ZNF423: variants seen among roughly 807,000 people sequenced by gnomAD.
The protein encoded by ZNF423 is zinc finger protein 423.
A neutral mutation model predicts 95.8 loss-of-function variants in ZNF423; 12 were observed. The observed-to-expected ratio is 0.13, with a 90% CI of 0.08 to 0.20. The LOEUF is 0.20. ZNF423 is among the 10% of genes least tolerant of loss of function. The probability of loss-of-function intolerance (pLI) is 1.00; values close to 1 mark genes in which losing one functional copy is unlikely to be tolerated. For synonymous variants in ZNF423, 749 were observed against 711.9 expected (o/e 1.05, Z -0.83); for missense variants, 1,316 against 1,737.1 (o/e 0.76, Z 4.31).
At chr16:49,784,555 C>T (rs2034278477) in intron 2 of ZNF423, among the ~76,000 whole-genome samples, 2 of 152,122 alleles carry the variant, frequency 1.3e-5, no homozygotes, top group African/African-American at 4.8e-5. Flanking sequence ...CATGGATGAA[C>T]CTTGAAAATA....
chr16:49,760,143 G>A (rs1232668747), intron 2 of ZNF423, among the ~76,000 whole-genome samples: 1 of 140,380 alleles, frequency 7.1e-6, no homozygotes, highest in African/African-American at 2.7e-5. Context: ...GTGGATGGGT[G>A]GGTGGGGTGG....
chr16:49,791,013 C>A (rs910024729), intron 1 of ZNF423, among the ~76,000 whole-genome samples: 3 of 152,120 alleles, frequency 2.0e-5, no homozygotes, highest in Admixed American at 1.3e-4. Flanking sequence ...GCAATCTACC[C>A]CCTTGACTAT....
chr16:49,858,788 G>C (rs1459118509), upstream of ZNF423, among the ~76,000 whole-genome samples: 1 of 151,996 alleles, frequency 6.6e-6, no homozygotes, highest in Admixed American at 6.5e-5. The surrounding 1 kb of genome is among the most constrained non-coding windows in gnomAD (Gnocchi z 4.3). Context: ...CAAGGGCCGA[G>C]GCGAGGGCAG....
At chr16:49,805,074 A>G (rs1226607172) in intron 1 of ZNF423, among the ~76,000 whole-genome samples, 1 of 151,638 alleles carries the variant, frequency 6.6e-6, no homozygotes, top group Non-Finnish European at 1.5e-5. Context: ...TAATTTTTGT[A>G]TATTTAGTAG....
intron 3 of ZNF423, among the ~76,000 whole-genome samples, chr16:49,669,966 T>C (rs563668861): frequency 6.6e-6 from 1 of 152,298 alleles, no homozygotes; most frequent in African/African-American, 2.4e-5. Context: ...CACGGGATTA[T>C]TGAGGGTAAC....
chr16:49,820,923 G>T (rs562777887), intron 1 of ZNF423, among the ~76,000 whole-genome samples: 1 of 152,276 alleles, frequency 6.6e-6, no homozygotes, highest in South Asian at 2.1e-4. Context: ...TCCACAAAAT[G>T]TTTCATTTAA....
chr16:49,602,118 T>A (rs1596701433), intron 5 of ZNF423, among the ~76,000 whole-genome samples: 1 of 152,242 alleles, frequency 6.6e-6, no homozygotes, highest in East Asian at 1.9e-4. Context: ...CTTCCTGTCC[T>A]GGACCAGAGA....
intron 2 of ZNF423, among the ~76,000 whole-genome samples, chr16:49,762,088 A>G (rs1279614488): frequency 1.3e-5 from 2 of 152,244 alleles, no homozygotes; most frequent in South Asian, 4.1e-4. Context: ...CTGGGATTAC[A>G]GGCATGAGCC....
At chr16:49,802,624 G>A (rs1200177392) in intron 1 of ZNF423, among the ~76,000 whole-genome samples, 1 of 152,190 alleles carries the variant, frequency 6.6e-6, no homozygotes, top group Non-Finnish European at 1.5e-5. Context: ...GGCAGCCTAG[G>A]ACGCTGCAGA....
chr16:49,746,177 TGCTGTTCCAG>T (rs750953872), intron 2 of ZNF423, among the ~76,000 whole-genome samples: 26 of 152,120 alleles, frequency 1.7e-4, no homozygotes, highest in Admixed American at 1.1e-3. Context: ...TGTTGGCCCC[TGCTGTTCCAG>T]GCTCTGTTTC....
intron 3 of ZNF423, among the ~76,000 whole-genome samples, chr16:49,642,497 G>A (rs1163720955): frequency 1.3e-5 from 2 of 152,196 alleles, no homozygotes; most frequent in African/African-American, 4.8e-5. Context: ...GGAGCAACAA[G>A]CTGAGCCACT....
Position 49,855,133 on chromosome 16 carries a change from C to A in ZNF423, c.40+602G>T. 2.5e-6 allele frequency: 2 copies of A among 795,638 alleles called. No homozygotes were observed. The highest frequency in any genetic ancestry group is 3.0e-6 in the Non-Finnish European group (2 of 658,526). The allele number at this position is 795,638 out of a possible 1,614,324, so 49.3% of individuals were successfully genotyped here. ...GGCCCGGGCCGGGAGAAGGCCTGGG[C>A]AGGGGCGGGAGGGGGCGCCAGGCGG... On this transcript the variant is annotated intron_variant, in intron 1 of 7. Coordinates refer to ENST00000563137, the MANE Select transcript of ZNF423 (RefSeq NM_001379286.1). This position sits in a 1 kb window ranked among gnomAD's most constrained non-coding sequence, Gnocchi z 4.7.
chr16:49,610,516 A>G (rs1393526691), intron 5 of ZNF423, among the ~76,000 whole-genome samples: 2 of 152,156 alleles, frequency 1.3e-5, no homozygotes, highest in Non-Finnish European at 2.9e-5. Flanking sequence ...TACAGTAATC[A>G]TGATAAAAAG....
chr16:49,786,387 C>T (rs1418104998), intron 2 of ZNF423, among the ~76,000 whole-genome samples: 1 of 152,238 alleles, frequency 6.6e-6, no homozygotes, highest in African/African-American at 2.4e-5. Flanking sequence ...CTCCATCACA[C>T]ACCCAAGGCT....
At position 49,789,511 on chromosome 16, in the gene ZNF423, A is replaced by C; in HGVS notation, c.76T>G (p.Trp26Gly). Residue 26 changes from tryptophan (W) to glycine (G), a missense_variant, in exon 2 of 8, where the codon TGG becomes GGG. Physicochemically the swap from Trp to Gly is radical, Grantham distance 184. Coordinates refer to ENST00000563137, the MANE Select transcript of ZNF423 (RefSeq NM_001379286.1). The part of the protein sequence containing the change: ...EGEASDFSLA[W>G]DSSVTAAGGL... The stretch of plus-strand genomic sequence containing the variant: ...CCTGCTGCTGTCACGGAGGAATCCC[A>C]GGCCAGCGAGAAGTCTGAGGCCTCC... 6.2e-7 allele frequency: 1 copy of C among 1,612,592 alleles called. No homozygotes were observed. Among genetic ancestry groups the C allele is most frequent in the Non-Finnish European group, 8.5e-7 (1 of 1,179,608 alleles).
At chr16:49,812,184 T>C (rs1567354246) in intron 1 of ZNF423, among the ~76,000 whole-genome samples, 1 of 152,212 alleles carries the variant, frequency 6.6e-6, no homozygotes. Context: ...TTAAGACACT[T>C]GCTCACGGTC....
chr16:49,645,577 C>G (rs1483691011), intron 3 of ZNF423, among the ~76,000 whole-genome samples: 1 of 152,196 alleles, frequency 6.6e-6, no homozygotes, highest in East Asian at 1.9e-4. Flanking sequence ...AAAAAAGGAG[C>G]TGTCCATTCT....
chr16:49,836,700 C>T (rs533832821), intron 1 of ZNF423, among the ~76,000 whole-genome samples: 18 of 152,092 alleles, frequency 1.2e-4, no homozygotes, highest in Admixed American at 9.2e-4. Flanking sequence ...GAGCCCTGGA[C>T]GCACAATAAC....
At chr16:49,667,788 A>G (rs1307098698) in intron 3 of ZNF423, among the ~76,000 whole-genome samples, 1 of 152,226 alleles carries the variant, frequency 6.6e-6, no homozygotes, top group African/African-American at 2.4e-5. Flanking sequence ...TGGGAAGCTA[A>G]GGCAGGGGGA....
Sources: gnomAD v4.1 joint callset for allele counts (sites outside exome capture counted in the v4.1 genomes callset) on GRCh38, gnomAD v4.1.1 for gene constraint, Gnocchi (gnomAD v3.1) non-coding constraint, MANE v1.5 for transcripts, NCBI Gene and HGNC (gene_info 2026-07-23, HGNC 2026-07-21) for gene names.